The following NRXN3 variants were observed in gnomAD, a reference collection of about 807,000 sequenced individuals.
NRXN3 encodes the protein neurexin 3, also known as neurexin III.
In NRXN3, 32 loss-of-function variants were observed where a neutral mutation model predicts 137.6. The ratio of observed to expected loss-of-function variants is 0.23; its 90% CI spans 0.18 to 0.31. NRXN3 has a LOEUF of 0.31. Among genes scored for constraint, NRXN3 ranks in the 10% least tolerant of loss-of-function variants. The probability of loss-of-function intolerance (pLI) is 1.00; values close to 1 mark genes in which losing one functional copy is unlikely to be tolerated. For synonymous variants in NRXN3, 798 were observed against 784.5 expected, an observed-to-expected ratio of 1.02 and a Z score of -0.29; for missense variants, 1,574 against 2,062.5, an observed-to-expected ratio of 0.76 and a Z score of 4.59.
intron 10 of NRXN3, among the ~76,000 whole-genome samples, chr14:78,891,926 G>T (rs947271728): frequency 6.6e-6 from 1 of 151,928 alleles, no homozygotes; most frequent in Non-Finnish European, 1.5e-5. Flanking sequence ...ATAAACTTGG[G>T]CTGAAGAGTT....
chr14:79,374,998 A>C (rs2094219531), intron 15 of NRXN3, among the ~76,000 whole-genome samples: 1 of 152,204 alleles, frequency 6.6e-6, no homozygotes, highest in Admixed American at 6.5e-5. Context: ...GTATTTATTA[A>C]GTACCTACGA....
Position 79,306,281 on chromosome 14 carries a change from G to A in NRXN3, c.3263-160940G>A, listed in dbSNP as rs183461058. 3.4e-3 allele frequency among the ~76,000 whole-genome samples: 511 copies of A among 152,092 alleles called. 3 individuals carry two copies. The highest frequency in any genetic ancestry group is 6.8e-3 in the Middle Eastern group (2 of 294). On this transcript the variant is annotated intron_variant, in intron 15 of 20. Coordinates refer to ENST00000335750, the MANE Select transcript of NRXN3 (RefSeq NM_001330195.2). ...TATATTCATTCCCCCTGAAGACAAC[G>A]CACACATCCTTGTTGAAGTCTCCTC...
intron 8 of NRXN3, among the ~76,000 whole-genome samples, chr14:78,764,655 G>T (rs1427878033): frequency 6.6e-6 from 1 of 152,158 alleles, no homozygotes; most frequent in East Asian, 1.9e-4. Flanking sequence ...AGTGACTACT[G>T]GCTTAGAAGA....
rs184852922 is a variant in NRXN3 at position 79,781,058 on chromosome 14, A to G, written c.4015-24054A>G. Among the ~76,000 whole-genome samples, 318 of 152,134 alleles carry G rather than the reference A, an allele frequency of 2.1e-3. 1 individual carries two copies. The highest frequency in any genetic ancestry group is 3.0e-3 in the Non-Finnish European group (204 of 67,998). Reference sequence around the variant, plus strand: ...CATAAGGTAATTTTTTTTTTTAAATAATTAACTAAACCCTTAAAACTACAT... The same window carrying G: ...CATAAGGTAATTTTTTTTTTTAAATGATTAACTAAACCCTTAAAACTACAT... On this transcript the variant is annotated intron_variant, in intron 19 of 20. Coordinates refer to ENST00000335750, the MANE Select transcript of NRXN3 (RefSeq NM_001330195.2).
rs113624616 is a variant in NRXN3, at chr14:79,525,251, C to T, written c.3444+57849C>T. ...TATTGTTTACTGAGCCCCAACACCA[C>T]CTCGAGGGTTTCCAGGTATATTTTT... On this transcript the variant is annotated intron_variant, in intron 16 of 20. Transcript: ENST00000335750. Among the ~76,000 whole-genome samples, 1,451 of 152,242 alleles carry T rather than the reference C, an allele frequency of 9.5e-3. 21 individuals are homozygous for T. The highest frequency in any genetic ancestry group is 0.034 in the African/African-American group (1,397 of 41,554).
chr14:78,606,696 T>C (rs2097255931), intron 4 of NRXN3, among the ~76,000 whole-genome samples: 1 of 152,220 alleles, frequency 6.6e-6, no homozygotes, highest in Admixed American at 6.5e-5. Flanking sequence ...CAGTTCCTGA[T>C]GAAGCCAGGG....
At chr14:78,656,316 G>T (rs1417802526) in intron 6 of NRXN3, among the ~76,000 whole-genome samples, 1 of 152,042 alleles carries the variant, frequency 6.6e-6, no homozygotes, top group Non-Finnish European at 1.5e-5. Flanking sequence ...ATACATCCTG[G>T]GGTTCAGGGA....
At chr14:78,414,151 CTTTAT>C (rs1401508097) in intron 4 of NRXN3, among the ~76,000 whole-genome samples, 1 of 151,942 alleles carries the variant, frequency 6.6e-6, no homozygotes, top group Non-Finnish European at 1.5e-5. Context: ...TTGGGTACGT[CTTTAT>C]TAGCAGCATG....
chr14:79,079,514 A>C (rs964217028), intron 15 of NRXN3, among the ~76,000 whole-genome samples: 1 of 152,214 alleles, frequency 6.6e-6, no homozygotes, highest in African/African-American at 2.4e-5. Context: ...ATAAATGGTG[A>C]TATGGAGAAC....
chr14:78,990,069 G>A (rs2099515431), intron 15 of NRXN3, among the ~76,000 whole-genome samples: 1 of 152,078 alleles, frequency 6.6e-6, no homozygotes, highest in Non-Finnish European at 1.5e-5. Context: ...TCTGACTTGG[G>A]GAATTTGTTG....
chr14:78,306,724 G>A (rs1489753721), intron 4 of NRXN3, among the ~76,000 whole-genome samples: 1 of 152,012 alleles, frequency 6.6e-6, no homozygotes, highest in African/African-American at 2.4e-5. Flanking sequence ...TAGATTCCAG[G>A]GTGACATGTA....
intron 15 of NRXN3, among the ~76,000 whole-genome samples, chr14:79,148,851 A>G (rs112240231): frequency 9.5e-4 from 145 of 152,164 alleles, no homozygotes; most frequent in African/African-American, 3.2e-3. Flanking sequence ...CCCTTTAAAG[A>G]GTGTTTTTTT....
At chr14:78,181,216 C>T (rs2059777825) in intron 1 of NRXN3, among the ~76,000 whole-genome samples, 1 of 152,170 alleles carries the variant, frequency 6.6e-6, no homozygotes. Context: ...TTCGATATGC[C>T]CGAAATGCCT....
intron 16 of NRXN3, among the ~76,000 whole-genome samples, chr14:79,597,947 G>C (rs903144380): frequency 1.3e-5 from 2 of 152,140 alleles, no homozygotes; most frequent in Non-Finnish European, 2.9e-5. Context: ...TAACGTGAAG[G>C]GTTAAGCATT....
At chr14:79,544,217 G>T (rs1158559507) in intron 16 of NRXN3, among the ~76,000 whole-genome samples, 1 of 152,240 alleles carries the variant, frequency 6.6e-6, no homozygotes, top group Non-Finnish European at 1.5e-5. Context: ...GCCTCAGGGG[G>T]TCTGAGTCAT....
chr14:79,467,210 T>G lies in NRXN3; in HGVS notation c.3263-11T>G. ...GTGCCTTGATGTCTCCCTCTCTCCT[T>G]GCTTTTGCAGCTGGCGCTACGTACA... On this transcript the variant is annotated splice_polypyrimidine_tract_variant and intron_variant, in intron 15 of 20. Transcript: ENST00000335750. 1 of 1,591,052 alleles carries G rather than the reference T, an allele frequency of 6.3e-7. No homozygotes were observed. The highest frequency in any genetic ancestry group is 8.6e-7 in the Non-Finnish European group (1 of 1,162,174).
intron 16 of NRXN3, among the ~76,000 whole-genome samples, chr14:79,548,762 CAA>C (rs1220415241): frequency 7.3e-6 from 1 of 137,810 alleles, no homozygotes; most frequent in Admixed American, 7.3e-5. Flanking sequence ...AAAAAAAAAA[CAA>C]AAAAAATCAT....
At chr14:79,702,581 C>T (rs112944395) in intron 19 of NRXN3, among the ~76,000 whole-genome samples, 2 of 151,862 alleles carry the variant, frequency 1.3e-5, no homozygotes, top group East Asian at 1.9e-4. Context: ...ATAGCCAAGT[C>T]CAAGTAGAAC....
At chr14:79,214,336 T>A (rs935723662) in intron 15 of NRXN3, among the ~76,000 whole-genome samples, 8 of 152,194 alleles carry the variant, frequency 5.3e-5, no homozygotes, top group South Asian at 2.1e-4. Context: ...TTGAAGGAAG[T>A]CAAATTGCCT....
Sources: gnomAD v4.1 joint callset for allele counts (sites outside exome capture counted in the v4.1 genomes callset) on GRCh38, gnomAD v4.1.1 for gene constraint, MANE v1.5 for transcripts, NCBI Gene and HGNC (gene_info 2026-07-23, HGNC 2026-07-21) for gene names.